Variants in RNGTT observed in about 807,000 individuals in gnomAD.
The protein encoded by RNGTT is mRNA-capping enzyme.
In RNGTT, 33 loss-of-function variants were observed where a neutral mutation model predicts 79.3. That is an observed-to-expected ratio of 0.42 (90% CI 0.32 to 0.56). The LOEUF is 0.56. Ranked by LOEUF, RNGTT falls within the 20% of genes least tolerant of loss-of-function variation. The probability of loss-of-function intolerance (pLI) is 0.17; values close to 1 mark genes in which losing one functional copy is unlikely to be tolerated. For synonymous variants in RNGTT, 222 were observed against 235.9 expected (o/e 0.94, Z 0.54); for missense variants, 497 against 739.1 (o/e 0.67, Z 3.80).
At position 88,899,947 on chromosome 6, in the gene RNGTT, C is replaced by T. The variant is rs763146229; in HGVS notation, c.684+4768G>A. On this transcript the variant is annotated intron_variant, in intron 6 of 15. Coordinates refer to ENST00000369485, the MANE Select transcript of RNGTT (RefSeq NM_003800.5). ...GAATAAGAGCAGAGCAAAAATAGAC[C>T]ACTGCCCCAAAACTAAAGTCTAGTT... Among the ~76,000 whole-genome samples, 141 of 151,970 alleles carry T rather than the reference C, an allele frequency of 9.3e-4. 2 individuals are homozygous for T. The highest frequency in any genetic ancestry group is 4.6e-4 in the Admixed American group (7 of 15,262).
chr6:88,886,126 A>C (rs898432838), intron 8 of RNGTT, among the ~76,000 whole-genome samples: 3 of 152,154 alleles, frequency 2.0e-5, no homozygotes, highest in Admixed American at 6.5e-5. Flanking sequence ...TAACACGTTG[A>C]AACTCCGTCT....
chr6:88,764,355 C>T (rs1432557961), intron 13 of RNGTT, among the ~76,000 whole-genome samples: 1 of 152,146 alleles, frequency 6.6e-6, no homozygotes, highest in Non-Finnish European at 1.5e-5. Flanking sequence ...AATCAAACAA[C>T]AAATGTAGAT....
intron 14 of RNGTT, among the ~76,000 whole-genome samples, chr6:88,630,714 CT>C (rs3839425): frequency 0.26 from 38,405 of 146,446 alleles, 5,885 homozygotes; most frequent in Non-Finnish European, 0.35. Context: ...ACATCTGAGA[CT>C]TTTTTTTTTT....
chr6:88,837,565 A>T (rs761619282), intron 11 of RNGTT, among the ~76,000 whole-genome samples: 5 of 152,202 alleles, frequency 3.3e-5, no homozygotes, highest in Non-Finnish European at 7.3e-5. Context: ...AAAATCCTTT[A>T]AAAAAGTTAG....
chr6:88,758,838 C>T (rs1327488251), intron 13 of RNGTT, among the ~76,000 whole-genome samples: 1 of 150,478 alleles, frequency 6.6e-6, no homozygotes, highest in Non-Finnish European at 1.5e-5. Context: ...ACTTAGCATC[C>T]ATTGATTATT....
chr6:88,756,342 G>A (rs1156914028), intron 13 of RNGTT, among the ~76,000 whole-genome samples: 1 of 151,904 alleles, frequency 6.6e-6, no homozygotes. Flanking sequence ...GCGTGACGGT[G>A]CGCGCCTGTA....
At chr6:88,796,952 T>G (rs942851247) in intron 12 of RNGTT, among the ~76,000 whole-genome samples, 6 of 152,228 alleles carry the variant, frequency 3.9e-5, no homozygotes, top group Non-Finnish European at 7.4e-5. Flanking sequence ...CAGGTAGTCC[T>G]GAGCTACGGT....
At chr6:88,664,523 C>T (rs76254866) in intron 14 of RNGTT, among the ~76,000 whole-genome samples, 1,793 of 152,262 alleles carry the variant, frequency 0.012, 30 homozygotes, top group African/African-American at 0.04. Context: ...AATGCCAACC[C>T]GGTGAAATGC....
chr6:88,688,985 C>T (rs1203462279), intron 13 of RNGTT, among the ~76,000 whole-genome samples: 2 of 152,148 alleles, frequency 1.3e-5, no homozygotes, highest in Non-Finnish European at 2.9e-5. Context: ...CATGTAACTA[C>T]AAAATACATG....
intron 4 of RNGTT, among the ~76,000 whole-genome samples, chr6:88,912,303 T>C (rs548418008): frequency 4.6e-5 from 7 of 151,956 alleles, no homozygotes; most frequent in Admixed American, 3.9e-4. Context: ...TCCTAGCTAC[T>C]CAGGCTAGGG....
At chr6:88,816,676 G>C (rs1780323421) in intron 11 of RNGTT, among the ~76,000 whole-genome samples, 1 of 152,128 alleles carries the variant, frequency 6.6e-6, no homozygotes, top group Admixed American at 6.5e-5. Context: ...ATGAAACTAT[G>C]AGTCATTCAA....
At chr6:88,817,895 GA>G in intron 11 of RNGTT, among the ~76,000 whole-genome samples, 3 of 151,682 alleles carry the variant, frequency 2.0e-5, no homozygotes, top group African/African-American at 7.2e-5. Flanking sequence ...AAGTAGCTGG[GA>G]CTACAGGCGC....
At chr6:88,684,066 CAA>C (rs1775188352) in intron 13 of RNGTT, among the ~76,000 whole-genome samples, 1 of 151,956 alleles carries the variant, frequency 6.6e-6, no homozygotes, top group Non-Finnish European at 1.5e-5. Context: ...TAAAAATGAG[CAA>C]AAGACTGGAA....
At chr6:88,814,776 A>C (rs1461653362) in intron 11 of RNGTT, among the ~76,000 whole-genome samples, 1 of 152,210 alleles carries the variant, frequency 6.6e-6, no homozygotes, top group Non-Finnish European at 1.5e-5. Context: ...TGAGGGAGAA[A>C]AAGTAGAGAG....
At chr6:88,722,696 A>G (rs1776746243) in intron 13 of RNGTT, among the ~76,000 whole-genome samples, 1 of 152,224 alleles carries the variant, frequency 6.6e-6, no homozygotes, top group African/African-American at 2.4e-5. Context: ...TGAAAGATCC[A>G]AGAAAAATCC....
At chr6:88,809,317 C>T (rs527967507) in intron 11 of RNGTT, among the ~76,000 whole-genome samples, 4 of 151,862 alleles carry the variant, frequency 2.6e-5, no homozygotes, top group East Asian at 1.9e-4. Context: ...TCTGAGCAAA[C>T]GACTGGACAA....
At chr6:88,906,473 C>G (rs1420234515) in intron 4 of RNGTT, 33 bp from the exon 5 acceptor site, 1 of 1,342,822 alleles carries the variant, frequency 7.4e-7, no homozygotes, top group South Asian at 1.3e-5. Flanking sequence ...TTAAAATTAA[C>G]AAATCACTGC....
intron 12 of RNGTT, among the ~76,000 whole-genome samples, chr6:88,775,576 A>G (rs909991917): frequency 6.6e-6 from 1 of 152,174 alleles, no homozygotes; most frequent in Non-Finnish European, 1.5e-5. Context: ...GTTAGAACTG[A>G]CAGAGTAATT....
chr6:88,716,718 CA>C (rs1308044205), intron 13 of RNGTT, among the ~76,000 whole-genome samples: 1 of 151,780 alleles, frequency 6.6e-6, no homozygotes, highest in African/African-American at 2.4e-5. Context: ...ATCGCAAGGA[CA>C]AAAAACCAAA....
Sources: allele counts gnomAD v4.1 joint callset (sites outside exome capture counted in the v4.1 genomes callset), GRCh38; gene constraint gnomAD v4.1.1; transcripts MANE v1.5; gene names NCBI Gene and HGNC (gene_info 2026-07-23, HGNC 2026-07-21).